The following ZNF500 variants were observed in gnomAD, a reference collection of about 807,000 sequenced individuals.
ZNF500 encodes zinc finger protein 500.
ZNF500 carries 31 observed loss-of-function variants against 30.1 expected under a neutral mutation model. The ratio of observed to expected loss-of-function variants is 1.03; its 90% confidence interval spans 0.77 to 1.39. The LOEUF (loss-of-function observed/expected upper bound fraction) is 1.39. Ranked by LOEUF, ZNF500 falls within the 40% of genes most tolerant of loss-of-function variation. The pLI is 0.00. For missense variants in ZNF500, 817 were observed against 657.8 expected (o/e 1.24, Z -2.65); for synonymous variants, 392 against 282.0 (o/e 1.39, Z -3.91).
chr16:4,746,182 G>A (rs867980875), downstream of ZNF500: 156 of 556,258 alleles, frequency 2.8e-4, no homozygotes, highest in Middle Eastern at 1.8e-3. Context: ...GGGACGTTCT[G>A]TTGGCCAGTG....
intron 3 of ZNF500, 92 bp from the exon 4 acceptor site, chr16:4,762,427 C>G (rs1257779700): frequency 2.0e-6 from 3 of 1,522,792 alleles, no homozygotes; most frequent in Non-Finnish European, 1.8e-6. Context: ...AGCCCGGCGG[C>G]TGCCCACCCA....
At chr16:4,754,953 G>A (rs763694149) in intron 5 of ZNF500, among the ~76,000 whole-genome samples, 12 of 152,038 alleles carry the variant, frequency 7.9e-5, no homozygotes, top group South Asian at 2.1e-4. Context: ...AGATGTGGTC[G>A]ATTAAAAGTG....
At chr16:4,757,138 C>A (rs1262429401) in intron 5 of ZNF500, among the ~76,000 whole-genome samples, 2 of 152,134 alleles carry the variant, frequency 1.3e-5, no homozygotes, top group Non-Finnish European at 2.9e-5. Flanking sequence ...GCCACTGAAC[C>A]GTTTACTGAA....
intron 2 of ZNF500, among the ~76,000 whole-genome samples, chr16:4,763,456 G>T (rs984971648): frequency 6.6e-5 from 10 of 151,924 alleles, no homozygotes; most frequent in Admixed American, 2.0e-4. Flanking sequence ...GCTCTGAGAT[G>T]ATCTATTTCC....
chr16:4,754,834 G>C (rs901694123), intron 5 of ZNF500, among the ~76,000 whole-genome samples: 6 of 152,152 alleles, frequency 3.9e-5, no homozygotes, highest in Non-Finnish European at 4.4e-5. Context: ...TCCCCAATGT[G>C]GAGGTGGGGC....
chr16:4,744,592 G>A (rs188464161), downstream of ZNF500, among the ~76,000 whole-genome samples: 7 of 151,478 alleles, frequency 4.6e-5, no homozygotes, highest in African/African-American at 1.2e-4. Flanking sequence ...GTGGGACCGG[G>A]GTGTGAGGAA....
downstream of ZNF500, chr16:4,746,601 G>T: frequency 3.5e-6 from 5 of 1,434,754 alleles, no homozygotes; most frequent in South Asian, 4.0e-5. Flanking sequence ...TCCTGATGGG[G>T]AGGAACAGGG....
downstream of ZNF500, among the ~76,000 whole-genome samples, chr16:4,747,927 C>T (rs1012397932): frequency 3.9e-5 from 6 of 152,124 alleles, no homozygotes; most frequent in Non-Finnish European, 5.9e-5. Context: ...CTGCTCTCTG[C>T]GGGACTCTGA....
intron 5 of ZNF500, chr16:4,756,321 TA>T (rs2141837827): frequency 6.6e-6 from 1 of 152,074 alleles, no homozygotes; most frequent in South Asian, 2.1e-4. Context: ...CTGTCTCTAC[TA>T]AAAATACAAA....
intron 5 of ZNF500, among the ~76,000 whole-genome samples, chr16:4,754,523 G>C (rs1454212213): frequency 2.6e-5 from 4 of 151,884 alleles, no homozygotes; most frequent in Admixed American, 2.6e-4. Flanking sequence ...AATTAGTTGG[G>C]GGTAGTGGTG....
At chr16:4,744,529 A>G (rs1292191381), downstream of ZNF500, among the ~76,000 whole-genome samples, 1 of 150,006 alleles carries the variant, frequency 6.7e-6, no homozygotes, top group Non-Finnish European at 1.5e-5. Context: ...GGATGACCCT[A>G]TTTTTTTTTT....
At chr16:4,760,156 T>G (rs2082181546) in intron 5 of ZNF500, among the ~76,000 whole-genome samples, 1 of 152,270 alleles carries the variant, frequency 6.6e-6, no homozygotes, top group African/African-American at 2.4e-5. Flanking sequence ...GGCAGGGCAG[T>G]GCTCAGTGTG....
chr16:4,764,801 A>AG (rs1181001048), intron 2 of ZNF500, among the ~76,000 whole-genome samples: 17 of 151,882 alleles, frequency 1.1e-4, no homozygotes, highest in African/African-American at 3.6e-4. Flanking sequence ...GAAAAAAAAA[A>AG]AAAAAGTAAA....
In ZNF500 at chr16:4,762,676, T is replaced by C; in HGVS notation, c.495A>G (p.Pro165=). Residue 165 remains proline (P), a synonymous_variant, in exon 3 of 6, where the codon CCA becomes CCG. Transcript: ENST00000219478. The part of the protein sequence containing the change: ...QFLKHQAEAQ[P]EDLSLEEEAR... ...CCTCTTCCTCCAGGGACAGATCCTC[T>C]GGCTGAGCCTCTGCCTGGTGTTTTA... The C allele has an allele frequency of 1.9e-6, 3 of 1,614,128 alleles. No individual in the cohort carries two copies. The highest frequency in any genetic ancestry group is 2.5e-6 in the Non-Finnish European group (3 of 1,179,992).
At chr16:4,761,966 C>T (rs947065710) in intron 4 of ZNF500, among the ~76,000 whole-genome samples, 8 of 152,198 alleles carry the variant, frequency 5.3e-5, no homozygotes, top group Admixed American at 3.3e-4. Flanking sequence ...GTGTTTTCCC[C>T]CAGAGTCCCA....
intron 5 of ZNF500, among the ~76,000 whole-genome samples, chr16:4,754,841 G>C (rs995986293): frequency 3.3e-5 from 5 of 152,096 alleles, no homozygotes; most frequent in Non-Finnish European, 4.4e-5. Context: ...TGTGGAGGTG[G>C]GGCCTGGTGG....
At chr16:4,762,875 G>C (rs966216167) in intron 2 of ZNF500, 119 bp from the exon 3 acceptor site, 16 of 1,426,204 alleles carry the variant, frequency 1.1e-5, no homozygotes, top group Non-Finnish European at 1.4e-5. Flanking sequence ...CGGGCTGTCT[G>C]CAGCCTCCCT....
At chr16:4,745,581 C>CT (rs1324727014), downstream of ZNF500, among the ~76,000 whole-genome samples, 1 of 152,228 alleles carries the variant, frequency 6.6e-6, no homozygotes, top group Non-Finnish European at 1.5e-5. Flanking sequence ...CTTGAGGAAT[C>CT]TGAGAACCAG....
Position 4,749,748 on chromosome 16 carries a change from G to C in ZNF500, c.*2628C>G, listed in dbSNP as rs1315844391. The stretch of plus-strand genomic sequence containing the variant: ...GAATCACTTGAACCTGGGAGGTGGA[G>C]GTTGTGGTGAGCCAAGATCGTGCCT... On this transcript the variant is annotated 3_prime_UTR_variant, in exon 6 of 6. Transcript: ENST00000219478. 1 of 152,408 alleles carries C rather than the reference G, an allele frequency of 6.6e-6. No individual in the cohort carries two copies. The highest frequency in any genetic ancestry group is 1.5e-5 in the Non-Finnish European group (1 of 68,196). 9.4% of individuals were successfully genotyped at this position (152,408 alleles called of 1,614,324 possible).
Sources: allele counts gnomAD v4.1 joint callset (sites outside exome capture counted in the v4.1 genomes callset), GRCh38; gene constraint gnomAD v4.1.1; transcripts MANE v1.5; gene names NCBI Gene and HGNC (gene_info 2026-07-23, HGNC 2026-07-21).